TEDDM1: variants seen among roughly 807,000 people sequenced by gnomAD.
TEDDM1 encodes epididymal protein 9.
For missense variants in TEDDM1, 344 were observed against 318.9 expected, an observed-to-expected ratio of 1.08 and a Z score of -0.60; for synonymous variants, 126 against 128.0, an observed-to-expected ratio of 0.98 and a Z score of 0.11.
Position 182,399,765 on chromosome 1 carries a change from A to G in TEDDM1, c.721T>C (p.Tyr241His), listed in dbSNP as rs200769001. 7 of 1,614,072 alleles carry G rather than the reference A, an allele frequency of 4.3e-6. No homozygotes were observed. The East Asian group carries it at 1.1e-4, about 26-fold the overall frequency. ...LKLTGPKEAP[Y>H]YASTPGPLYK... ...AGGGGTCCTGGAGTGCTTGCATAAT[A>G]TGGAGCTTCTTTGGGCCCAGTCAGC... is the stretch of plus-strand genomic sequence containing the variant. The change falls in exon 1 of 1, where the codon TAT becomes CAT. Residue 241 changes from tyrosine (Y) to histidine (H), a missense_variant. Tyr to His is a moderately conservative substitution (Grantham distance 83). Transcript: ENST00000367565.
In TEDDM1 at chr1:182,398,814, G is replaced by C. The variant is rs1042189107; in HGVS notation, c.*850C>G. 3 of 152,302 alleles carry C rather than the reference G, an allele frequency of 2.0e-5. No individual in the cohort carries two copies. The highest frequency in any genetic ancestry group is 3.4e-3 in the Middle Eastern group (1 of 294). The allele number at this position is 152,302 out of a possible 1,614,324, so 9.4% of individuals were successfully genotyped here. ...TGAATGCTATAAAAATGCTATAGCA[G>C]TTGAATTCTATACAAATTTAAATTA... On this transcript the variant is annotated 3_prime_UTR_variant, in exon 1 of 1. Coordinates refer to ENST00000367565, the MANE Select transcript of TEDDM1 (RefSeq NM_172000.4).
In TEDDM1 at chr1:182,398,830, A is replaced by G. The variant is rs1433399035; in HGVS notation, c.*834T>C. On this transcript the variant is annotated 3_prime_UTR_variant, in exon 1 of 1. Transcript: ENST00000367565. ...GCTATAGCAGTTGAATTCTATACAA[A>G]TTTAAATTATGGAAATTTGAAATGT... 3 of 152,280 alleles carry G rather than the reference A, an allele frequency of 2.0e-5. No individual in the cohort carries two copies. In the East Asian group the frequency reaches 5.8e-4, roughly 29 times the overall value. 9.4% of individuals were successfully genotyped at this position (152,280 alleles called of 1,614,324 possible).
At position 182,400,334 on chromosome 1, in the gene TEDDM1, C is replaced by T. The variant is rs777614973; in HGVS notation, c.152G>A (p.Gly51Glu). Residue 51 changes from glycine to glutamate, a missense_variant, in exon 1 of 1, where the codon GGG becomes GAG. Coordinates refer to ENST00000367565, the MANE Select transcript of TEDDM1 (RefSeq NM_172000.4). ...TFYVVLCLDG[G>E]MVLMRKQVPS... ...CACTTGCTTCCTCATGAGCACCATC[C>T]CGCCATCAAGACAGAGAACCACATA... The T allele has an allele frequency of 9.3e-6, 15 of 1,614,138 alleles. No individual in the cohort carries two copies. The East Asian group carries it at 3.3e-4, about 36-fold the overall frequency.
rs1246319150 is a variant in TEDDM1, at chr1:182,400,368, A to G, written c.118T>C (p.Leu40=). ...AGACAGAGAACCACATAAAATGTTA[A>G]GAGGGAGCCAGTCACTATCTTTAGT... ...GLLKIVTGSL[L]TFYVVLCLDG... is the part of the protein sequence containing the mutation. The change falls in exon 1 of 1, where the codon TTA becomes CTA. Residue 40 remains leucine, a synonymous_variant. Transcript: ENST00000367565. The G allele has an allele frequency of 1.2e-6, 2 of 1,614,066 alleles. No homozygotes were observed. The highest frequency in any genetic ancestry group is 8.5e-7 in the Non-Finnish European group (1 of 1,180,036).
At position 182,400,026 on chromosome 1, in the gene TEDDM1, A is replaced by G; in HGVS notation, c.460T>C (p.Cys154Arg). 6.2e-7 allele frequency: 1 copy of G among 1,614,184 alleles called. No homozygotes were observed. The highest frequency in any genetic ancestry group is 8.5e-7 in the Non-Finnish European group (1 of 1,180,032). The part of the protein sequence containing the change: ...LTAELWAPNM[C>R]HLQLMETFLI... ...AAGGTCTCCATCAGCTGGAGATGAC[A>G]CATGTTGGGAGCCCACAGCTCTGCA... Residue 154 changes from cysteine (C) to arginine (R), a missense_variant, in exon 1 of 1, where the codon TGT (cysteine) becomes CGT (arginine). Transcript: ENST00000367565.
rs1468402676 is a variant in TEDDM1, at chr1:182,400,166, A to T, written c.320T>A (p.Ile107Asn). The T allele has an allele frequency of 1.1e-5, 18 of 1,614,120 alleles. No individual in the cohort carries two copies. The highest frequency in any genetic ancestry group is 1.4e-5 in the Non-Finnish European group (17 of 1,180,034). Reference sequence around the variant, plus strand: ...CATCAGCAGCAGGAGCTCGTAGATGATCAGGACCAGGGTACCTTTTTCTAG... The same window carrying T: ...CATCAGCAGCAGGAGCTCGTAGATGTTCAGGACCAGGGTACCTTTTTCTAG... Reference protein sequence around the residue: ...VGLEKGTLVLIIYELLLLMVS... With the variant: ...VGLEKGTLVLNIYELLLLMVS... The change falls in exon 1 of 1, where the codon ATC becomes AAC. Residue 107 changes from isoleucine (I) to asparagine (N), a missense_variant. Ile to Asn is a moderately radical substitution (Grantham distance 149). Coordinates refer to ENST00000367565, the MANE Select transcript of TEDDM1 (RefSeq NM_172000.4).
Position 182,399,507 on chromosome 1 carries a change from A to G in TEDDM1, c.*157T>C. On this transcript the variant is annotated 3_prime_UTR_variant, in exon 1 of 1. Transcript: ENST00000367565. Reference sequence around the variant, plus strand: ...CGAGACTCTGTCTCAAAAAAAAAAAAAAAGAAAAGAGAAGAAAAGAAAATG... The same window carrying G: ...CGAGACTCTGTCTCAAAAAAAAAAAGAAAGAAAAGAGAAGAAAAGAAAATG... 1.6e-6 allele frequency: 1 copy of G among 629,302 alleles called. No individual in the cohort carries two copies. Among genetic ancestry groups the G allele is most frequent in the Non-Finnish European group, 2.8e-6 (1 of 361,490 alleles). 39.0% of individuals were successfully genotyped at this position (629,302 alleles called of 1,614,324 possible).
Position 182,400,035 on chromosome 1 carries a change from G to C in TEDDM1, c.451C>G (p.Pro151Ala). Reference protein sequence around the residue: ...LLVLTAELWAPNMCHLQLMET... With the variant: ...LLVLTAELWAANMCHLQLMET... Reference sequence around the variant, plus strand: ...ATCAGCTGGAGATGACACATGTTGGGAGCCCACAGCTCTGCAGTCAACACC... The same window carrying C: ...ATCAGCTGGAGATGACACATGTTGGCAGCCCACAGCTCTGCAGTCAACACC... Residue 151 changes from proline (P) to alanine (A), a missense_variant, in exon 1 of 1, where the codon CCC becomes GCC. Coordinates refer to ENST00000367565, the MANE Select transcript of TEDDM1 (RefSeq NM_172000.4). The C allele has an allele frequency of 6.2e-7, 1 of 1,614,096 alleles. No homozygotes were observed. The highest frequency in any genetic ancestry group is 8.5e-7 in the Non-Finnish European group (1 of 1,180,024).
In TEDDM1 at chr1:182,399,980, G is replaced by C. The variant is rs778191425; in HGVS notation, c.506C>G (p.Ser169Cys). 13 of 1,613,998 alleles carry C rather than the reference G, an allele frequency of 8.1e-6. No individual in the cohort carries two copies. The highest frequency in any genetic ancestry group is 1.7e-4 in the Middle Eastern group (1 of 6,060). ...METFLILMMGSWLMQAGFILY... is the reference protein window; with the variant it reads ...METFLILMMGCWLMQAGFILY... Reference sequence around the variant, plus strand: ...AATAAAGCCTGCCTGCATCAGCCAGGAGCCCATCATCAGAATCAGAAAGGT... The same window carrying C: ...AATAAAGCCTGCCTGCATCAGCCAGCAGCCCATCATCAGAATCAGAAAGGT... Residue 169 changes from serine to cysteine, a missense_variant, in exon 1 of 1, where the codon TCC (serine) becomes TGC (cysteine). Coordinates refer to ENST00000367565, the MANE Select transcript of TEDDM1 (RefSeq NM_172000.4).
rs941395453 is a variant in TEDDM1 at position 182,398,498 on chromosome 1, GTAAGTGCCCAAGAGTTC to G, written c.*1149_*1165del. On this transcript the variant is annotated 3_prime_UTR_variant, in exon 1 of 1. Transcript: ENST00000367565. ...AGCAAACTAACAAAGCAGATTTAAT[GTAAGTGCCCAAGAGTTC>G]CAAAACAAGGGAATCAGTAAGAGTT... 4 of 152,242 alleles carry G rather than the reference GTAAGTGCCCAAGAGTTC, an allele frequency of 2.6e-5. No homozygotes were observed. The highest frequency in any genetic ancestry group is 9.6e-5 in the African/African-American group (4 of 41,452). The allele number at this position is 152,242 out of a possible 1,614,324, so 9.4% of individuals were successfully genotyped here.
chr1:182,400,474 T>G lies in TEDDM1; in HGVS notation c.12A>C (p.Lys4Asn). Reference sequence around the variant, plus strand: ...AGCACAAAGGATACAGGAGACAACCTTTGAGTATCATGCCCTTGGAGACCA... The same window carrying G: ...AGCACAAAGGATACAGGAGACAACCGTTGAGTATCATGCCCTTGGAGACCA... MIL[K>N]GCLLYPLCSP... The change falls in exon 1 of 1, where the codon AAA becomes AAC. Residue 4 changes from lysine (K) to asparagine (N), a missense_variant. Physicochemically the swap from Lys to Asn is moderately conservative, Grantham distance 94. Transcript: ENST00000367565. 6.2e-7 allele frequency: 1 copy of G among 1,606,242 alleles called. No individual in the cohort carries two copies. The highest frequency in any genetic ancestry group is 8.5e-7 in the Non-Finnish European group (1 of 1,177,866).
At position 182,399,465 on chromosome 1, in the gene TEDDM1, C is replaced by T; in HGVS notation, c.*199G>A. On this transcript the variant is annotated 3_prime_UTR_variant, in exon 1 of 1. Transcript: ENST00000367565. ...GAGCTGAGATTGTGCCATTGCACTC[C>T]AGGCTGGGCAACAGAGCGAGACTCT... The T allele has an allele frequency of 1.7e-6, 1 of 582,248 alleles. No homozygotes were observed. Among genetic ancestry groups the T allele is most frequent in the Non-Finnish European group, 3.0e-6 (1 of 331,468 alleles). 36.1% of individuals were successfully genotyped at this position (582,248 alleles called of 1,614,324 possible).
Position 182,400,452 on chromosome 1 carries a change from A to C in TEDDM1, c.34T>G (p.Cys12Gly). Residue 12 changes from cysteine (C) to glycine (G), a missense_variant, in exon 1 of 1, where the codon TGC becomes GGC. Transcript: ENST00000367565. ...ILKGCLLYPL[C>G]SPRNKQRCAR... ...CATCTTTGCTTATTCCTGGGAGAGC[A>C]CAAAGGATACAGGAGACAACCTTTG... The C allele has an allele frequency of 6.2e-7, 1 of 1,612,278 alleles. No homozygotes were observed. Among genetic ancestry groups the C allele is most frequent in the Non-Finnish European group, 8.5e-7 (1 of 1,179,632 alleles).
rs991536560 is a variant in TEDDM1, at chr1:182,398,366, G to A, written c.*1298C>T. ...ATAGGAAATTTGGTAACTTGGATAA[G>A]GCAAAGTCTTTTCCCTTTAGGAGCC... On this transcript the variant is annotated 3_prime_UTR_variant, in exon 1 of 1. Coordinates refer to ENST00000367565, the MANE Select transcript of TEDDM1 (RefSeq NM_172000.4). The A allele has an allele frequency of 6.6e-6, 1 of 152,218 alleles. No homozygotes were observed. Among genetic ancestry groups the A allele is most frequent in the African/African-American group, 2.4e-5 (1 of 41,458 alleles). 9.4% of individuals were successfully genotyped at this position (152,218 alleles called of 1,614,324 possible). A position where few individuals can be genotyped will look rare whatever the true frequency, so the allele number is the denominator to read the frequency against.
chr1:182,399,503 A>G lies in TEDDM1; in HGVS notation c.*161T>C. On this transcript the variant is annotated 3_prime_UTR_variant, in exon 1 of 1. Coordinates refer to ENST00000367565, the MANE Select transcript of TEDDM1 (RefSeq NM_172000.4). ...AGAGCGAGACTCTGTCTCAAAAAAA[A>G]AAAAAAAGAAAAGAGAAGAAAAGAA... 1 of 626,260 alleles carries G rather than the reference A, an allele frequency of 1.6e-6. No homozygotes were observed. Among genetic ancestry groups the G allele is most frequent in the Non-Finnish European group, 2.8e-6 (1 of 359,116 alleles). The allele number at this position is 626,260 out of a possible 1,614,324, so 38.8% of individuals were successfully genotyped here. A position where few individuals can be genotyped will look rare whatever the true frequency, so the allele number is the denominator to read the frequency against.
At position 182,399,743 on chromosome 1, in the gene TEDDM1, G is replaced by T. The variant is rs1364472621; in HGVS notation, c.743C>A (p.Pro248His). The change falls in exon 1 of 1, where the codon CCC becomes CAC. Residue 248 changes from proline to histidine, a missense_variant. Pro to His is a moderately conservative substitution (Grantham distance 77, BLOSUM62 -2). Transcript: ENST00000367565. ...EAPYYASTPGPLYKLLQEVEQ... is the reference protein window; with the variant it reads ...EAPYYASTPGHLYKLLQEVEQ... Reference sequence around the variant, plus strand: ...CACTTCCTGTAGCAACTTGTAGAGGGGTCCTGGAGTGCTTGCATAATATGG... The same window carrying T: ...CACTTCCTGTAGCAACTTGTAGAGGTGTCCTGGAGTGCTTGCATAATATGG... 1.2e-6 allele frequency: 2 copies of T among 1,613,958 alleles called. No individual in the cohort carries two copies. Among genetic ancestry groups the T allele is most frequent in the Non-Finnish European group, 8.5e-7 (1 of 1,180,026 alleles).
rs1016238200 is a variant in TEDDM1 at position 182,398,956 on chromosome 1, A to C, written c.*708T>G. 3.9e-5 allele frequency: 6 copies of C among 152,264 alleles called. No homozygotes were observed. Among genetic ancestry groups the C allele is most frequent in the African/African-American group, 1.4e-4 (6 of 41,474 alleles). The allele number at this position is 152,264 out of a possible 1,614,324, so 9.4% of individuals were successfully genotyped here. On this transcript the variant is annotated 3_prime_UTR_variant, in exon 1 of 1. Coordinates refer to ENST00000367565, the MANE Select transcript of TEDDM1 (RefSeq NM_172000.4). ...AAGGAGGCAAAGCGAGCATAATTTC[A>C]GCCTGTATGAATTAATTATAAATTC... is the stretch of plus-strand genomic sequence containing the variant.
In TEDDM1 at chr1:182,400,648, C is replaced by T. The variant is rs777952757; in HGVS notation, c.-163G>A. 1.8e-5 allele frequency: 11 copies of T among 613,534 alleles called. No individual in the cohort carries two copies. The highest frequency in any genetic ancestry group is 4.2e-5 in the South Asian group (2 of 47,288). 38.0% of individuals were successfully genotyped at this position (613,534 alleles called of 1,614,324 possible). ...GCTCTCCTCTCCCTCACAGGCCTCT[C>T]GAGTTCTGGGCCTATATATACAGAG... On this transcript the variant is annotated 5_prime_UTR_variant, in exon 1 of 1. Transcript: ENST00000367565.
rs1219706693 is a variant in TEDDM1, at chr1:182,398,426, G to GA, written c.*1237dup. 3 of 152,206 alleles carry GA rather than the reference G, an allele frequency of 2.0e-5. No individual in the cohort carries two copies. Among genetic ancestry groups the GA allele is most frequent in the East Asian group, 1.9e-4 (1 of 5,192 alleles). The allele number at this position is 152,206 out of a possible 1,614,324, so 9.4% of individuals were successfully genotyped here. A position where few individuals can be genotyped will look rare whatever the true frequency, so the allele number is the denominator to read the frequency against. On this transcript the variant is annotated 3_prime_UTR_variant, in exon 1 of 1. Transcript: ENST00000367565. ...GTGGGTGAGGAAGAACCTTCTGAAA[G>GA]AAAATGATTTCAGCAGCAGTATAAA...
Sources: allele counts gnomAD v4.1 joint callset, GRCh38; gene constraint gnomAD v4.1.1; transcripts MANE v1.5; gene names NCBI Gene and HGNC (gene_info 2026-07-23, HGNC 2026-07-21).